Variants in SAMD12 observed in about 807,000 individuals in gnomAD.
SAMD12 encodes sterile alpha motif domain containing 12, also known as sterile alpha motif domain-containing protein 12.
A neutral mutation model predicts 15.0 loss-of-function variants in SAMD12; 9 were observed. The ratio of observed to expected loss-of-function variants is 0.60; its 90% confidence interval spans 0.36 to 1.05. The LOEUF is 1.05. Among genes scored for constraint, SAMD12 ranks in the 50% least tolerant of loss-of-function variants. SAMD12 has a pLI of 0.01. For synonymous variants in SAMD12, 86 were observed against 90.1 expected (o/e 0.96, Z 0.25); for missense variants, 230 against 234.2 (o/e 0.98, Z 0.12).
intron 4 of SAMD12, among the ~76,000 whole-genome samples, chr8:118,236,508 T>C (rs1812434388): frequency 6.6e-6 from 1 of 152,178 alleles, no homozygotes; most frequent in African/African-American, 2.4e-5. Flanking sequence ...TCTAAGATTA[T>C]AGATGTTCTT....
At chr8:118,266,301 C>T (rs1043180352) in intron 4 of SAMD12, among the ~76,000 whole-genome samples, 1 of 152,154 alleles carries the variant, frequency 6.6e-6, no homozygotes, top group Non-Finnish European at 1.5e-5. Context: ...TATCACACCT[C>T]ATATCTGTCA....
At chr8:118,438,200 G>A (rs143458773) in intron 3 of SAMD12, among the ~76,000 whole-genome samples, 152 of 152,226 alleles carry the variant, frequency 1.0e-3, no homozygotes, top group African/African-American at 3.4e-3. Flanking sequence ...ATCCAAAAGG[G>A]CCATTGACTC....
chr8:118,514,133 A>T (rs1408496734), intron 2 of SAMD12, among the ~76,000 whole-genome samples: 1 of 152,180 alleles, frequency 6.6e-6, no homozygotes, highest in African/African-American at 2.4e-5. Flanking sequence ...AGTACATGAG[A>T]TCAGCAACCC....
chr8:118,484,401 T>C (rs997571039), intron 2 of SAMD12, among the ~76,000 whole-genome samples: 8 of 152,042 alleles, frequency 5.3e-5, no homozygotes, highest in Non-Finnish European at 1.2e-4. Context: ...TACTTAAAAA[T>C]TTGTTAAGAG....
At chr8:118,467,508 T>C (rs545392294) in intron 2 of SAMD12, among the ~76,000 whole-genome samples, 109 of 152,296 alleles carry the variant, frequency 7.2e-4, no homozygotes, top group South Asian at 4.6e-3. Context: ...CAGATTCTGT[T>C]AGAAAAGTCA....
intron 2 of SAMD12, among the ~76,000 whole-genome samples, chr8:118,445,375 A>C (rs1586723247): frequency 6.6e-6 from 1 of 152,192 alleles, no homozygotes; most frequent in Non-Finnish European, 1.5e-5. Context: ...TTTTAAAAAC[A>C]TATCTTGTCT....
At chr8:118,555,588 T>C (rs988771460) in intron 2 of SAMD12, among the ~76,000 whole-genome samples, 2 of 152,234 alleles carry the variant, frequency 1.3e-5, no homozygotes, top group African/African-American at 4.8e-5. Flanking sequence ...ATGAATTCTA[T>C]AGCCCATAGT....
At chr8:118,607,442 G>A (rs1338764340) in intron 1 of SAMD12, among the ~76,000 whole-genome samples, 1 of 152,114 alleles carries the variant, frequency 6.6e-6, no homozygotes, top group Non-Finnish European at 1.5e-5. Flanking sequence ...CTCCATGTTG[G>A]TCAGGCTGGT....
At chr8:118,580,245 C>G (rs1240401968) in intron 2 of SAMD12, among the ~76,000 whole-genome samples, 8 of 152,144 alleles carry the variant, frequency 5.3e-5, no homozygotes, top group Non-Finnish European at 8.8e-5. Flanking sequence ...ATTAACAATA[C>G]CTGTAAGCAC....
At chr8:118,341,294 G>C (rs947962927) in intron 4 of SAMD12, among the ~76,000 whole-genome samples, 1 of 152,142 alleles carries the variant, frequency 6.6e-6, no homozygotes, top group Non-Finnish European at 1.5e-5. Context: ...GCCTAGCTTA[G>C]CCTCACCTCT....
chr8:118,413,810 CA>C (rs575184315), intron 3 of SAMD12, among the ~76,000 whole-genome samples: 11 of 151,604 alleles, frequency 7.3e-5, no homozygotes, highest in African/African-American at 1.9e-4. Context: ...GGATCTTAGA[CA>C]GGGGGAGTCA....
chr8:118,373,601 A>T (rs1315500780), downstream of SAMD12, among the ~76,000 whole-genome samples: 1 of 152,208 alleles, frequency 6.6e-6, no homozygotes, highest in Non-Finnish European at 1.5e-5. Context: ...ATATATTTGG[A>T]CAATGTGAAA....
chr8:118,577,112 G>C (rs1415860137), intron 2 of SAMD12, among the ~76,000 whole-genome samples: 3 of 152,110 alleles, frequency 2.0e-5, no homozygotes, highest in Non-Finnish European at 4.4e-5. Flanking sequence ...CATTTCAACT[G>C]GATTCATTTT....
chr8:118,598,343 G>T (rs1465487088), intron 1 of SAMD12, among the ~76,000 whole-genome samples: 2 of 152,174 alleles, frequency 1.3e-5, no homozygotes, highest in Non-Finnish European at 2.9e-5. Context: ...AATCTAATAT[G>T]ACTGATGTCC....
chr8:118,464,139 AAAAT>A (rs759496737), intron 2 of SAMD12, among the ~76,000 whole-genome samples: 5 of 152,320 alleles, frequency 3.3e-5, no homozygotes, highest in South Asian at 2.1e-4. Context: ...GGCCTTGCAA[AAAAT>A]AAATAAATAA....
At chr8:118,484,627 A>G (rs936546405) in intron 2 of SAMD12, among the ~76,000 whole-genome samples, 5 of 152,150 alleles carry the variant, frequency 3.3e-5, no homozygotes, top group Non-Finnish European at 7.4e-5. Flanking sequence ...ATTAAAAAAT[A>G]CCACTGTCCT....
intron 2 of SAMD12, among the ~76,000 whole-genome samples, chr8:118,466,708 G>A (rs545612951): frequency 2.6e-5 from 4 of 152,084 alleles, no homozygotes; most frequent in Non-Finnish European, 2.9e-5. Flanking sequence ...AAGATAAGAC[G>A]AGAGAAGGAT....
chr8:118,273,883 A>C (rs1225944931), intron 4 of SAMD12, among the ~76,000 whole-genome samples: 2 of 152,202 alleles, frequency 1.3e-5, no homozygotes, highest in African/African-American at 4.8e-5. Flanking sequence ...AGATCAAGAT[A>C]AAAGTAAAAC....
At chr8:118,537,492 G>A (rs1179188503) in intron 2 of SAMD12, among the ~76,000 whole-genome samples, 1 of 152,002 alleles carries the variant, frequency 6.6e-6, no homozygotes, top group Non-Finnish European at 1.5e-5. Flanking sequence ...TCCTCTGACT[G>A]TGTATTTTCA....
Sources: allele counts gnomAD v4.1 joint callset (sites outside exome capture counted in the v4.1 genomes callset), GRCh38; gene constraint gnomAD v4.1.1; transcripts MANE v1.5; gene names NCBI Gene and HGNC (gene_info 2026-07-23, HGNC 2026-07-21).